SGCZ: variants seen among roughly 807,000 people sequenced by gnomAD.
SGCZ encodes the protein zeta-sarcoglycan.
Under a neutral mutation model 41.3 loss-of-function variants are expected in SGCZ, and 40 were observed. That is an observed-to-expected ratio of 0.97 (90% confidence interval 0.75 to 1.26). The LOEUF (loss-of-function observed/expected upper bound fraction) is 1.26, where lower values mean the gene tolerates loss of function less well. Ranked by LOEUF, SGCZ falls within the 50% of genes most tolerant of loss-of-function variation. SGCZ has a pLI of 0.00. For missense variants in SGCZ, 552 were observed against 369.8 expected (o/e 1.49, Z -4.04); for synonymous variants, 206 against 137.5 (o/e 1.50, Z -3.49).
intron 1 of SGCZ, among the ~76,000 whole-genome samples, chr8:14,639,044 T>A (rs1806930788): frequency 2.0e-5 from 3 of 150,804 alleles, no homozygotes; most frequent in South Asian, 2.1e-4. Flanking sequence ...GAATCTTTTT[T>A]TTTTTTTTTT....
In SGCZ at chr8:14,659,558, G is replaced by A. The variant is rs552943808; in HGVS notation, c.40-104632C>T. ...TAATAATTTTGGTAGCCAAATACAC[G>A]TAATGGCAAAGGCTACCTTGAGAGC... On this transcript the variant is annotated intron_variant, in intron 1 of 7. Coordinates refer to ENST00000382080, the MANE Select transcript of SGCZ (RefSeq NM_139167.4). Among the ~76,000 whole-genome samples the A allele has an allele frequency of 9.2e-5, 14 of 152,174 alleles. No homozygotes were observed. The South Asian group carries it at 2.1e-3, about 23-fold the overall frequency.
chr8:15,151,730 T>C (rs1563153009), intron 1 of SGCZ, among the ~76,000 whole-genome samples: 2 of 152,218 alleles, frequency 1.3e-5, no homozygotes, highest in Admixed American at 6.5e-5. Flanking sequence ...AAAATACTGA[T>C]GCCTCACAGC....
intron 2 of SGCZ, among the ~76,000 whole-genome samples, chr8:14,413,185 A>T (rs1017718719): frequency 6.6e-6 from 1 of 152,006 alleles, no homozygotes; most frequent in South Asian, 2.1e-4. Flanking sequence ...AACTAGAGCA[A>T]CACAGTAAGA....
chr8:14,974,428 C>T (rs1331708224), intron 1 of SGCZ, among the ~76,000 whole-genome samples: 3 of 152,174 alleles, frequency 2.0e-5, no homozygotes, highest in Non-Finnish European at 4.4e-5. Flanking sequence ...AGCACCAAAA[C>T]TTTCATCAGG....
intron 1 of SGCZ, among the ~76,000 whole-genome samples, chr8:14,929,066 A>G (rs1326728654): frequency 6.6e-6 from 1 of 152,046 alleles, no homozygotes; most frequent in Non-Finnish European, 1.5e-5. Context: ...ATCTCGGCTC[A>G]CTGCGACCTC....
chr8:15,008,546 AGGGAGTG>A (rs1802692140), intron 1 of SGCZ, among the ~76,000 whole-genome samples: 1 of 38,070 alleles, frequency 2.6e-5, no homozygotes, highest in African/African-American at 1.2e-4. Flanking sequence ...GAAGGAAGGG[AGGGAGTG>A]AGGGAGGGAG....
intron 4 of SGCZ, among the ~76,000 whole-genome samples, chr8:14,169,895 G>A (rs1254741625): frequency 2.0e-5 from 3 of 152,038 alleles, no homozygotes; most frequent in East Asian, 1.9e-4. Flanking sequence ...AAGAAAGAAA[G>A]GGCTGAAAGG....
At chr8:14,697,483 C>T (rs7017742) in intron 1 of SGCZ, among the ~76,000 whole-genome samples, 58,169 of 151,864 alleles carry the variant, frequency 0.38, 13,804 homozygotes, top group Non-Finnish European at 0.54. Context: ...CCTTGCTAAT[C>T]ATTAACACAC....
At chr8:14,601,917 G>C (rs563932074) in intron 1 of SGCZ, among the ~76,000 whole-genome samples, 8 of 152,108 alleles carry the variant, frequency 5.3e-5, no homozygotes, top group African/African-American at 1.4e-4. Flanking sequence ...TCAGGAGATC[G>C]AGACCATCCG....
intron 1 of SGCZ, among the ~76,000 whole-genome samples, chr8:15,065,781 G>T (rs1265036241): frequency 6.6e-6 from 1 of 152,072 alleles, no homozygotes; most frequent in Non-Finnish European, 1.5e-5. Context: ...ATAAGCCATA[G>T]ATGTCTGGAG....
chr8:14,108,780 T>C (rs1302887619), intron 5 of SGCZ, among the ~76,000 whole-genome samples: 1 of 152,144 alleles, frequency 6.6e-6, no homozygotes, highest in Non-Finnish European at 1.5e-5. Context: ...TAAATCTAAA[T>C]GTCATTATAT....
intron 1 of SGCZ, among the ~76,000 whole-genome samples, chr8:15,029,052 A>G (rs1020639431): frequency 3.9e-5 from 6 of 152,112 alleles, no homozygotes; most frequent in Non-Finnish European, 1.5e-5. Flanking sequence ...GCCTAATTGA[A>G]GATGATTGGG....
At chr8:14,980,849 GTCTC>G (rs1236188338) in intron 1 of SGCZ, among the ~76,000 whole-genome samples, 7 of 150,570 alleles carry the variant, frequency 4.6e-5, no homozygotes, top group East Asian at 1.9e-4. Context: ...TTAATAATCT[GTCTC>G]TCTATCTATC....
chr8:14,521,870 T>G (rs956068308), intron 2 of SGCZ, among the ~76,000 whole-genome samples: 4 of 152,130 alleles, frequency 2.6e-5, no homozygotes, highest in African/African-American at 9.6e-5. Flanking sequence ...TTTTTCACCA[T>G]CAAGCATAAT....
At chr8:14,109,027 C>T (rs1397740402) in intron 5 of SGCZ, among the ~76,000 whole-genome samples, 1 of 152,052 alleles carries the variant, frequency 6.6e-6, no homozygotes, top group Non-Finnish European at 1.5e-5. Context: ...TAAAGACAAA[C>T]CCTCATAGAT....
At chr8:14,222,409 C>G (rs1048738177) in intron 4 of SGCZ, among the ~76,000 whole-genome samples, 1 of 151,926 alleles carries the variant, frequency 6.6e-6, no homozygotes, top group Non-Finnish European at 1.5e-5. Context: ...ACCTTGTGAT[C>G]CACCCACCTC....
At chr8:14,404,768 C>G (rs1381039368) in intron 2 of SGCZ, among the ~76,000 whole-genome samples, 1 of 152,134 alleles carries the variant, frequency 6.6e-6, no homozygotes, top group Non-Finnish European at 1.5e-5. Context: ...TTTTGCTCTG[C>G]TCTTATCTCA....
intron 5 of SGCZ, chr8:14,162,669 G>C (rs994402093): frequency 6.6e-6 from 1 of 151,982 alleles, no homozygotes; most frequent in Non-Finnish European, 1.5e-5. Context: ...ACATCAACCA[G>C]GTGAGTATTC....
chr8:14,563,100 A>C (rs1804256244), intron 1 of SGCZ, among the ~76,000 whole-genome samples: 1 of 152,202 alleles, frequency 6.6e-6, no homozygotes, highest in African/African-American at 2.4e-5. Context: ...TGAAGTTTGC[A>C]GGAGTCTGGC....
Sources: allele counts gnomAD v4.1 joint callset (sites outside exome capture counted in the v4.1 genomes callset), GRCh38; gene constraint gnomAD v4.1.1; transcripts MANE v1.5; gene names NCBI Gene and HGNC (gene_info 2026-07-23, HGNC 2026-07-21).